PTPN14: variants seen among roughly 807,000 people sequenced by gnomAD.
PTPN14 encodes the protein tyrosine-protein phosphatase non-receptor type 14.
A neutral mutation model predicts 126.8 loss-of-function variants in PTPN14; 53 were observed. That is an observed-to-expected ratio of 0.42 (90% CI 0.34 to 0.53). The LOEUF is 0.53. PTPN14 is among the 20% of genes least tolerant of loss of function. PTPN14 has a pLI of 0.08. For synonymous variants in PTPN14, 630 were observed against 599.3 expected, an observed-to-expected ratio of 1.05 and a Z score of -0.75; for missense variants, 1,257 against 1,552.9, an observed-to-expected ratio of 0.81 and a Z score of 3.20.
intron 1 of PTPN14, among the ~76,000 whole-genome samples, chr1:214,471,906 G>T (rs1660768177): frequency 6.6e-6 from 1 of 152,096 alleles, no homozygotes; most frequent in Non-Finnish European, 1.5e-5. Context: ...TTTCCCCAGG[G>T]GAAATTGATA....
At chr1:214,360,882 G>C (rs868301971) in intron 18 of PTPN14, among the ~76,000 whole-genome samples, 1 of 152,324 alleles carries the variant, frequency 6.6e-6, no homozygotes, top group Middle Eastern at 3.4e-3. Context: ...GAGGTGATTG[G>C]AACATGGGGG....
At chr1:214,473,629 A>T (rs1660808271) in intron 1 of PTPN14, among the ~76,000 whole-genome samples, 1 of 152,226 alleles carries the variant, frequency 6.6e-6, no homozygotes, top group South Asian at 2.1e-4. Flanking sequence ...GGAAAAACTG[A>T]TGCAACTAGT....
In PTPN14 at chr1:214,451,842, C is replaced by A; in HGVS notation, c.307G>T (p.Val103Leu). Residue 103 changes from valine to leucine, a missense_variant, in exon 3 of 19, where the codon GTG becomes TTG. By Grantham distance (32) the Val-to-Leu change is conservative. This residue lies in a region of PTPN14 where 1,021 missense variants were observed against 1,183.3 expected (regional missense o/e 0.86). Coordinates refer to ENST00000366956, the MANE Select transcript of PTPN14 (RefSeq NM_005401.5). Reference sequence around the variant, plus strand: ...TGCTGAAGCCATGACACATTTGGCACATAGAACATGACTCCAAAGAAAAGC... The same window carrying A: ...TGCTGAAGCCATGACACATTTGGCAAATAGAACATGACTCCAAAGAAAAGC... Reference protein sequence around the residue: ...PLLFFGVMFYVPNVSWLQQEA... With the variant: ...PLLFFGVMFYLPNVSWLQQEA... The A allele has an allele frequency of 6.2e-7, 1 of 1,614,164 alleles. No homozygotes were observed. Among genetic ancestry groups the A allele is most frequent in the Non-Finnish European group, 8.5e-7 (1 of 1,180,014 alleles).
chr1:214,385,797 A>G (rs1303371939), intron 12 of PTPN14, among the ~76,000 whole-genome samples: 1 of 152,010 alleles, frequency 6.6e-6, no homozygotes, highest in African/African-American at 2.4e-5. Context: ...CAGGCACAAA[A>G]AACAGGGGGA....
At chr1:214,526,850 C>G (rs60226530) in intron 1 of PTPN14, among the ~76,000 whole-genome samples, 8,760 of 152,074 alleles carry the variant, frequency 0.058, 592 homozygotes, top group African/African-American at 0.17. Flanking sequence ...CCAGCACTTT[C>G]GGAGGCCAAC....
chr1:214,439,280 G>C (rs1407916445), intron 3 of PTPN14, among the ~76,000 whole-genome samples: 1 of 152,078 alleles, frequency 6.6e-6, no homozygotes, highest in Non-Finnish European at 1.5e-5. Context: ...TTTATTTCAA[G>C]GATCCAAATT....
intron 1 of PTPN14, among the ~76,000 whole-genome samples, chr1:214,493,520 A>G (rs1300224044): frequency 6.6e-6 from 1 of 152,202 alleles, no homozygotes; most frequent in East Asian, 1.9e-4. Flanking sequence ...CTTACTATGT[A>G]CCCACAAAAA....
intron 1 of PTPN14, among the ~76,000 whole-genome samples, chr1:214,508,599 C>CTGTTATTATTA (rs1304780850): frequency 6.6e-6 from 1 of 152,148 alleles, no homozygotes; most frequent in East Asian, 1.9e-4. Context: ...TTCCAAACTC[C>CTGTTATTATTA]TGTTATTATT....
At chr1:214,409,798 C>T (rs1659260164) in intron 5 of PTPN14, among the ~76,000 whole-genome samples, 1 of 152,174 alleles carries the variant, frequency 6.6e-6, no homozygotes, top group Non-Finnish European at 1.5e-5. Flanking sequence ...CTTTACTCCT[C>T]ATACTCAATA....
intron 3 of PTPN14, among the ~76,000 whole-genome samples, chr1:214,451,587 C>A (rs558789454): frequency 3.1e-4 from 47 of 152,304 alleles, no homozygotes; most frequent in East Asian, 2.7e-3. Flanking sequence ...ACCTTACCAG[C>A]ATTACAGAAA....
chr1:214,471,097 C>T (rs1413365184), intron 1 of PTPN14, among the ~76,000 whole-genome samples: 17 of 145,144 alleles, frequency 1.2e-4, no homozygotes. Flanking sequence ...TTTTTAAAGA[C>T]TTAGACTTTC....
intron 1 of PTPN14, among the ~76,000 whole-genome samples, chr1:214,536,976 G>GA (rs1294891414): frequency 6.6e-6 from 1 of 152,086 alleles, no homozygotes; most frequent in South Asian, 2.1e-4. Context: ...TACACTGAGA[G>GA]AAAAAATGTC....
intron 1 of PTPN14, among the ~76,000 whole-genome samples, chr1:214,497,496 G>T (rs934392394): frequency 6.6e-6 from 1 of 152,144 alleles, no homozygotes; most frequent in Non-Finnish European, 1.5e-5. Flanking sequence ...ATAGCATTTA[G>T]CCCAGTCATT....
Position 214,376,311 on chromosome 1 carries a change from T to A in PTPN14, c.2815A>T (p.Ile939Phe). 1 of 1,614,092 alleles carries A rather than the reference T, an allele frequency of 6.2e-7. No homozygotes were observed. The highest frequency in any genetic ancestry group is 2.2e-5 in the East Asian group (1 of 44,896). Residue 939 changes from isoleucine (I) to phenylalanine (F), a missense_variant, in exon 15 of 19, where the codon ATC (isoleucine) becomes TTC (phenylalanine). Coordinates refer to ENST00000366956, the MANE Select transcript of PTPN14 (RefSeq NM_005401.5). ...ALPENAERSR[I>F]REVVPYEENR... is the part of the protein sequence containing the mutation. ...TCCTCATAGGGGACAACTTCACGGA[T>A]TCGGCTGCGCTCGGCGTTTTCTGGC...
chr1:214,408,008 T>C (rs926682931), intron 5 of PTPN14, among the ~76,000 whole-genome samples: 3 of 152,182 alleles, frequency 2.0e-5, no homozygotes, highest in Non-Finnish European at 4.4e-5. Context: ...CTTCTCTCTC[T>C]GTCTAAATCA....
intron 3 of PTPN14, among the ~76,000 whole-genome samples, chr1:214,431,505 A>T (rs1659796717): frequency 6.6e-6 from 1 of 152,208 alleles, no homozygotes; most frequent in South Asian, 2.1e-4. Flanking sequence ...GGCAGAGCAG[A>T]ATTCAAATCC....
intron 12 of PTPN14, among the ~76,000 whole-genome samples, chr1:214,386,083 C>T (rs1355250177): frequency 3.3e-5 from 5 of 152,136 alleles, no homozygotes; most frequent in African/African-American, 4.8e-5. Context: ...GTTAGCATAA[C>T]GATTACAAGT....
At chr1:214,542,719 A>C (rs1302601960) in intron 1 of PTPN14, among the ~76,000 whole-genome samples, 1 of 152,226 alleles carries the variant, frequency 6.6e-6, no homozygotes, top group Admixed American at 6.5e-5. Flanking sequence ...GCAAGGAAAC[A>C]GCACAACATT....
At chr1:214,522,645 G>A (rs1456077219) in intron 1 of PTPN14, among the ~76,000 whole-genome samples, 2 of 152,180 alleles carry the variant, frequency 1.3e-5, no homozygotes, top group Non-Finnish European at 2.9e-5. Flanking sequence ...ACCAAATGGT[G>A]GTAAGTGGAG....
Sources: allele counts gnomAD v4.1 joint callset (sites outside exome capture counted in the v4.1 genomes callset), GRCh38; gene constraint gnomAD v4.1.1; regional missense constraint gnomAD v4.1.1; transcripts MANE v1.5; gene names NCBI Gene and HGNC (gene_info 2026-07-23, HGNC 2026-07-21).